OSBPL10: variants seen among roughly 807,000 people sequenced by gnomAD.
OSBPL10 encodes oxysterol-binding protein-related protein 10.
Under a neutral mutation model 81.7 loss-of-function variants are expected in OSBPL10, and 49 were observed. That is an observed-to-expected ratio of 0.60 (90% CI 0.48 to 0.76). OSBPL10 has a LOEUF of 0.76. Among genes scored for constraint, OSBPL10 ranks in the 30% least tolerant of loss-of-function variants. The pLI is 0.00. For synonymous variants in OSBPL10, 419 were observed against 383.6 expected, an observed-to-expected ratio of 1.09 and a Z score of -1.08; for missense variants, 923 against 987.8, an observed-to-expected ratio of 0.93 and a Z score of 0.88.
chr3:31,884,382 A>G (rs566240781), intron 1 of OSBPL10, among the ~76,000 whole-genome samples: 1 of 152,346 alleles, frequency 6.6e-6, no homozygotes, highest in African/African-American at 2.4e-5. Flanking sequence ...TTATATTTGG[A>G]AGGGACTGAT....
chr3:31,846,707 T>A (rs373027614), intron 3 of OSBPL10, among the ~76,000 whole-genome samples: 2 of 152,154 alleles, frequency 1.3e-5, no homozygotes, highest in Admixed American at 1.3e-4. Context: ...TGGCCACATA[T>A]AAACATATAC....
intron 1 of OSBPL10, among the ~76,000 whole-genome samples, chr3:31,901,855 C>T (rs4955118): frequency 0.57 from 86,234 of 151,870 alleles, 24,562 homozygotes; most frequent in South Asian, 0.62. Flanking sequence ...CTGGGCAATA[C>T]GGCAAAACCC....
chr3:32,027,928 G>A (rs1699431702), intron 2 of OSBPL10, among the ~76,000 whole-genome samples: 1 of 152,230 alleles, frequency 6.6e-6, no homozygotes. Context: ...CCTGATAGAG[G>A]AATGGAGAGA....
At chr3:31,933,145 C>T (rs1697294513) in intron 1 of OSBPL10, among the ~76,000 whole-genome samples, 1 of 152,122 alleles carries the variant, frequency 6.6e-6, no homozygotes. Context: ...CATGGAGAAA[C>T]TGATCACTGA....
At chr3:31,867,282 G>A (rs991857383) in intron 3 of OSBPL10, among the ~76,000 whole-genome samples, 5 of 152,146 alleles carry the variant, frequency 3.3e-5, no homozygotes, top group African/African-American at 1.2e-4. Context: ...CTAATGCGAT[G>A]AGTATCATAA....
chr3:31,827,617 C>T (rs1338873748), intron 4 of OSBPL10, among the ~76,000 whole-genome samples: 1 of 150,188 alleles, frequency 6.7e-6, no homozygotes, highest in African/African-American at 2.5e-5. Flanking sequence ...GCCTGGGCAA[C>T]AGAGTGAGAC....
intron 3 of OSBPL10, among the ~76,000 whole-genome samples, chr3:31,850,507 G>A (rs1700738013): frequency 6.6e-6 from 1 of 152,114 alleles, no homozygotes; most frequent in Admixed American, 6.5e-5. Context: ...ATAGAGTGGA[G>A]GGGCAAAGAG....
At chr3:31,926,288 T>TTCCCCCCCCC (rs1034706033) in intron 1 of OSBPL10, among the ~76,000 whole-genome samples, 6 of 88,140 alleles carry the variant, frequency 6.8e-5, no homozygotes, top group Admixed American at 2.4e-4. Flanking sequence ...TGGGTGATTT[T>TTCCCCCCCCC]GCCCCCCCAG....
At chr3:31,725,778 G>C (rs903168454) in intron 6 of OSBPL10, among the ~76,000 whole-genome samples, 1 of 152,242 alleles carries the variant, frequency 6.6e-6, no homozygotes, top group African/African-American at 2.4e-5. Flanking sequence ...GCACAGAACA[G>C]AGATGAGAAC....
intron 1 of OSBPL10, among the ~76,000 whole-genome samples, chr3:31,950,518 C>T (rs1042692303): frequency 6.6e-6 from 1 of 152,240 alleles, no homozygotes; most frequent in Non-Finnish European, 1.5e-5. Flanking sequence ...TGGCATTAAA[C>T]TGGCACATCC....
chr3:31,683,985 C>T lies in OSBPL10; in HGVS notation c.1375G>A (p.Val459Ile), dbSNP rs774721464. The T allele has an allele frequency of 1.3e-5, 21 of 1,614,186 alleles. No homozygotes were observed. The highest frequency in any genetic ancestry group is 9.9e-5 in the South Asian group (9 of 91,074). The stretch of plus-strand genomic sequence containing the variant: ...TGAAAGGCTGTGAGATAATACTCAA[C>T]GAAGCAAATGACTCTCTCCTCTGGT... ...ATPEERVICF[V>I]EYYLTAFHEG... is the part of the protein sequence containing the mutation. The change falls in exon 8 of 12, where the codon GTT (valine) becomes ATT (isoleucine). Residue 459 changes from valine (V) to isoleucine (I), a missense_variant. Transcript: ENST00000396556.
At chr3:31,881,060 G>A (rs369035553) in intron 1 of OSBPL10, among the ~76,000 whole-genome samples, 10 of 152,270 alleles carry the variant, frequency 6.6e-5, no homozygotes, top group East Asian at 1.9e-4. Context: ...CCTTCTTGCC[G>A]TGTCAAGTTC....
chr3:31,838,633 G>T (rs948761909), intron 3 of OSBPL10, among the ~76,000 whole-genome samples: 1 of 151,792 alleles, frequency 6.6e-6, no homozygotes, highest in African/African-American at 2.4e-5. Flanking sequence ...CTCACTTGAG[G>T]TAAGTCACTC....
At chr3:31,749,973 G>C (rs1331179931) in intron 4 of OSBPL10, among the ~76,000 whole-genome samples, 11 of 151,828 alleles carry the variant, frequency 7.2e-5, no homozygotes, top group African/African-American at 2.7e-4. Context: ...TTGAGGTCAG[G>C]AGTTCGAAAC....
intron 6 of OSBPL10, among the ~76,000 whole-genome samples, chr3:31,722,909 A>AT (rs200715685): frequency 0.011 from 1,730 of 152,058 alleles, 34 homozygotes; most frequent in South Asian, 0.066. Flanking sequence ...CATTTCTTAT[A>AT]TTTTTTTTAA....
intron 6 of OSBPL10, chr3:31,704,522 A>G (rs1196457887): frequency 6.6e-6 from 1 of 152,266 alleles, no homozygotes; most frequent in Non-Finnish European, 1.5e-5. Flanking sequence ...TGTACCCAAC[A>G]GGTGGAGTGG....
In OSBPL10 at chr3:31,777,378, C is replaced by T. The variant is rs61462701; in HGVS notation, c.730-29258G>A. Reference sequence around the variant, plus strand: ...CTTTTTGAGGTGTGTGAGTGACTCGCTATTGTCCCCCTAGCCTGCTGGTTA... The same window carrying T: ...CTTTTTGAGGTGTGTGAGTGACTCGTTATTGTCCCCCTAGCCTGCTGGTTA... On this transcript the variant is annotated intron_variant, in intron 4 of 11. Coordinates refer to ENST00000396556, the MANE Select transcript of OSBPL10 (RefSeq NM_017784.5). Among the ~76,000 whole-genome samples, 514 of 152,222 alleles carry T rather than the reference C, an allele frequency of 3.4e-3. 4 individuals are homozygous for T. The highest frequency in any genetic ancestry group is 0.012 in the African/African-American group (492 of 41,524).
chr3:32,058,557 C>T (rs550171158), intron 1 of OSBPL10, among the ~76,000 whole-genome samples: 10 of 152,180 alleles, frequency 6.6e-5, no homozygotes, highest in East Asian at 1.9e-4. Context: ...GAACTCCTGA[C>T]CTCAAGTGAT....
At chr3:31,964,086 G>T (rs1432811172) in intron 1 of OSBPL10, among the ~76,000 whole-genome samples, 1 of 152,122 alleles carries the variant, frequency 6.6e-6, no homozygotes, top group Non-Finnish European at 1.5e-5. Context: ...GATGAACCTG[G>T]GTTGTCTAAT....
Sources: gnomAD v4.1 joint callset for allele counts (sites outside exome capture counted in the v4.1 genomes callset) on GRCh38, gnomAD v4.1.1 for gene constraint, MANE v1.5 for transcripts, NCBI Gene and HGNC (gene_info 2026-07-23, HGNC 2026-07-21) for gene names.